Variants in USP34 observed in about 807,000 individuals in gnomAD.
USP34 encodes the protein ubiquitin specific peptidase 34.
USP34 carries 70 observed loss-of-function variants against 460.3 expected under a neutral mutation model. The ratio of observed to expected loss-of-function variants is 0.15; its 90% CI spans 0.13 to 0.19. The LOEUF is 0.19. Ranked by LOEUF, USP34 falls within the 10% of genes least tolerant of loss-of-function variation. USP34 has a pLI of 1.00. For synonymous variants in USP34, 1,647 were observed against 1,405.3 expected (o/e 1.17, Z -3.85); for missense variants, 3,985 against 4,236.2 (o/e 0.94, Z 1.65).
At chr2:61,302,820 A>G (rs116777886) in intron 27 of USP34, among the ~76,000 whole-genome samples, 1 of 152,064 alleles carries the variant, frequency 6.6e-6, no homozygotes, top group Non-Finnish European at 1.5e-5. Context: ...CTTTTTTCAT[A>G]AAGTGCCAAT....
At chr2:61,288,270 G>A (rs2067549) in intron 34 of USP34, among the ~76,000 whole-genome samples, 59 of 152,082 alleles carry the variant, frequency 3.9e-4, no homozygotes, top group African/African-American at 1.4e-3. Flanking sequence ...AAGATCTAGG[G>A]GTGATAAATG....
At chr2:61,364,092 A>ATT (rs1422292611) in intron 10 of USP34, among the ~76,000 whole-genome samples, 1 of 152,196 alleles carries the variant, frequency 6.6e-6, no homozygotes, top group Non-Finnish European at 1.5e-5. Flanking sequence ...AGAATGTAAA[A>ATT]CAGCTGAGCA....
Position 61,188,029 on chromosome 2 carries a change from A to G in USP34, c.*73T>C. 6.5e-7 allele frequency: 1 copy of G among 1,529,834 alleles called. No homozygotes were observed. Among genetic ancestry groups the G allele is most frequent in the South Asian group, 1.3e-5 (1 of 75,150 alleles). 94.8% of individuals were successfully genotyped at this position (1,529,834 alleles called of 1,614,324 possible). On this transcript the variant is annotated 3_prime_UTR_variant, in exon 80 of 80. Coordinates refer to ENST00000398571, the MANE Select transcript of USP34 (RefSeq NM_014709.4). ...TGGACAAACTGAAGCACAAAAACAA[A>G]TAAGCAAAACTTATACAAACAGCAT...
intron 3 of USP34, among the ~76,000 whole-genome samples, chr2:61,403,229 T>C (rs1693772283): frequency 6.6e-6 from 1 of 152,114 alleles, no homozygotes; most frequent in African/African-American, 2.4e-5. Flanking sequence ...TAAAACAAAG[T>C]ACAGGAGTGT....
rs1687643212 is a variant in USP34, at chr2:61,223,364, T to C, written c.7596-68A>G. The C allele has an allele frequency of 8.2e-6, 12 of 1,458,334 alleles. No individual in the cohort carries two copies. The South Asian group carries it at 1.2e-4, about 15-fold the overall frequency. 90.3% of individuals were successfully genotyped at this position (1,458,334 alleles called of 1,614,324 possible). On this transcript the variant is annotated intron_variant, in intron 62 of 79. Coordinates refer to ENST00000398571, the MANE Select transcript of USP34 (RefSeq NM_014709.4). ...TATTACTTTACAGCGATTTACAACATGTATCAAAAATTGTTGATTCAATTA... is the reference window on the plus strand; with the variant it reads ...TATTACTTTACAGCGATTTACAACACGTATCAAAAATTGTTGATTCAATTA...
intron 10 of USP34, among the ~76,000 whole-genome samples, chr2:61,368,003 T>A (rs1225003971): frequency 6.6e-6 from 1 of 152,084 alleles, no homozygotes; most frequent in Non-Finnish European, 1.5e-5. Flanking sequence ...AAGAAAAAAA[T>A]TAGTATAAAC....
rs144733034 is a variant in USP34, at chr2:61,336,363, T to C, written c.2745-2392A>G. On this transcript the variant is annotated intron_variant, in intron 18 of 79. Transcript: ENST00000398571. Reference sequence around the variant, plus strand: ...GCTGGTCTCAAACTACTGGGCTCAATAGATGCCCCATCTCACCCTCTCAAA... The same window carrying C: ...GCTGGTCTCAAACTACTGGGCTCAACAGATGCCCCATCTCACCCTCTCAAA... Among the ~76,000 whole-genome samples, 509 of 152,060 alleles carry C rather than the reference T, an allele frequency of 3.3e-3. 2 individuals are homozygous for C. The highest frequency in any genetic ancestry group is 0.01 in the African/African-American group (432 of 41,506).
At chr2:61,408,139 A>T (rs561724579) in intron 2 of USP34, among the ~76,000 whole-genome samples, 1 of 152,148 alleles carries the variant, frequency 6.6e-6, no homozygotes, top group African/African-American at 2.4e-5. Flanking sequence ...TAAATAAAAT[A>T]AACAACCAGC....
chr2:61,380,389 AC>A, intron 6 of USP34, 28 bp from the exon 7 acceptor site: 1 of 1,578,844 alleles, frequency 6.3e-7, no homozygotes, highest in Non-Finnish European at 8.6e-7. Flanking sequence ...TAGAAAATAC[AC>A]AAAAATTCAT....
chr2:61,254,188 T>C (rs934680792), intron 48 of USP34, among the ~76,000 whole-genome samples: 10 of 152,266 alleles, frequency 6.6e-5, no homozygotes, highest in African/African-American at 2.2e-4. Context: ...TTCATCTCTG[T>C]GAATTATATT....
intron 1 of USP34, among the ~76,000 whole-genome samples, chr2:61,430,186 G>A (rs1381686266): frequency 1.4e-5 from 2 of 148,142 alleles, no homozygotes; most frequent in African/African-American, 2.5e-5. Flanking sequence ...CTGCACTCCC[G>A]CCTGGGCGAC....
At position 61,229,457 on chromosome 2, in the gene USP34, T is replaced by TAAAAAAA. The variant is rs57231258; in HGVS notation, c.7199+84_7199+90dup. 1.4e-4 allele frequency: 53 copies of TAAAAAAA among 382,148 alleles called. 1 individual carries two copies. The highest frequency in any genetic ancestry group is 2.8e-4 in the South Asian group (7 of 25,322). The allele number at this position is 382,148 out of a possible 1,614,324, so 23.7% of individuals were successfully genotyped here. A position where few individuals can be genotyped will look rare whatever the true frequency, so the allele number is the denominator to read the frequency against. On this transcript the variant is annotated intron_variant, in intron 59 of 79. Coordinates refer to ENST00000398571, the MANE Select transcript of USP34 (RefSeq NM_014709.4). ...GGCAACATGAAGAAACCCTATCTCT[T>TAAAAAAA]AAAAAAAAAAAAAAAAAACAAAAAA...
chr2:61,415,089 T>C (rs1358160011), intron 2 of USP34, among the ~76,000 whole-genome samples: 3 of 152,132 alleles, frequency 2.0e-5, no homozygotes, highest in African/African-American at 7.2e-5. Flanking sequence ...GCGTGGAATC[T>C]TAGGGTTTTC....
At chr2:61,449,599 G>A (rs967703104) in intron 1 of USP34, among the ~76,000 whole-genome samples, 1 of 151,636 alleles carries the variant, frequency 6.6e-6, no homozygotes, top group African/African-American at 2.4e-5. Context: ...AGACAGTGTA[G>A]TACTGGCGTA....
At chr2:61,222,751 C>T in intron 64 of USP34, 88 bp from the exon 65 acceptor site, 1 of 1,248,070 alleles carries the variant, frequency 8.0e-7, no homozygotes, top group Non-Finnish European at 1.1e-6. Context: ...GGCTGGGATG[C>T]AGTGGCGAGA....
At chr2:61,367,580 T>C (rs1217584208) in intron 10 of USP34, among the ~76,000 whole-genome samples, 2 of 152,170 alleles carry the variant, frequency 1.3e-5, no homozygotes, top group African/African-American at 4.8e-5. Flanking sequence ...AGGCACACAA[T>C]CATTAGTAAT....
At chr2:61,287,826 T>C (rs1175954490) in intron 34 of USP34, among the ~76,000 whole-genome samples, 1 of 152,202 alleles carries the variant, frequency 6.6e-6, no homozygotes, top group Non-Finnish European at 1.5e-5. Flanking sequence ...ATACAGATTT[T>C]TGACTGTATG....
chr2:61,204,681 G>C (rs1687066287), intron 72 of USP34, 80 bp from the exon 73 acceptor site: 2 of 1,131,642 alleles, frequency 1.8e-6, no homozygotes, highest in Non-Finnish European at 2.6e-6. Context: ...CAAATCCTAT[G>C]ATTGCCTCAC....
At chr2:61,468,111 C>T (rs751954931) in intron 1 of USP34, among the ~76,000 whole-genome samples, 46 of 151,872 alleles carry the variant, frequency 3.0e-4, no homozygotes, top group Admixed American at 7.9e-4. Flanking sequence ...ATCATAGCCA[C>T]GGATAAGCAA....
Sources: allele counts gnomAD v4.1 joint callset (sites outside exome capture counted in the v4.1 genomes callset), GRCh38; gene constraint gnomAD v4.1.1; transcripts MANE v1.5; gene names NCBI Gene and HGNC (gene_info 2026-07-23, HGNC 2026-07-21).